Variants in KCNQ2 observed in about 807,000 individuals in gnomAD.
The protein encoded by KCNQ2 is potassium voltage-gated channel subfamily KQT member 2.
Under a neutral mutation model 84.8 loss-of-function variants are expected in KCNQ2, and 14 were observed. That is an observed-to-expected ratio of 0.17 (90% CI 0.11 to 0.26). The LOEUF is 0.26. Ranked by LOEUF, KCNQ2 falls within the 10% of genes least tolerant of loss-of-function variation. The pLI is 1.00. For missense variants in KCNQ2, 788 were observed against 1,254.0 expected, an observed-to-expected ratio of 0.63 and a Z score of 5.61; for synonymous variants, 599 against 554.1, an observed-to-expected ratio of 1.08 and a Z score of -1.14.
At chr20:63,472,126 G>T in intron 1 of KCNQ2, 42 bp downstream of exon 1, 1 of 1,394,114 alleles carries the variant, frequency 7.2e-7, no homozygotes, top group Non-Finnish European at 9.5e-7. Context: ...GCCGATGGGG[G>T]TCGCCATGGG....
At chr20:63,428,475 T>C (rs749614308) in intron 9 of KCNQ2, 40 bp from the exon 10 acceptor site, 1 of 1,519,900 alleles carries the variant, frequency 6.6e-7, no homozygotes, top group South Asian at 1.2e-5. Context: ...CGTCTCACCC[T>C]CCCGAGTCCT....
Position 63,415,021 on chromosome 20 carries a change from G to A in KCNQ2, c.1407C>T (p.Ala469=), listed in dbSNP as rs1801385. Residue 469 remains alanine, a synonymous_variant, in exon 13 of 17, where the codon GCC becomes GCT. Coordinates refer to ENST00000359125, the MANE Select transcript of KCNQ2 (RefSeq NM_172107.4). ...TGGGGCTGTCCTCGAGGCTCTGGTC[G>A]GCGCTGGGTGACCGCCTCACAGTCT... ...QAQTVRRSPS[A]DQSLEDSPSK... is the part of the protein sequence containing the mutation. 219 of 1,610,080 alleles carry A rather than the reference G, an allele frequency of 1.4e-4. 2 individuals are homozygous for A. The South Asian group carries it at 1.6e-3, about 12-fold the overall frequency.
intron 5 of KCNQ2, among the ~76,000 whole-genome samples, chr20:63,442,182 A>G (rs1052439656): frequency 2.0e-5 from 3 of 151,828 alleles, no homozygotes; most frequent in Non-Finnish European, 2.9e-5. Context: ...GATGCCCACC[A>G]CGGCTGAGCT....
chr20:63,440,344 A>G (rs796684653), intron 5 of KCNQ2, among the ~76,000 whole-genome samples: 11 of 152,256 alleles, frequency 7.2e-5, no homozygotes, highest in African/African-American at 2.6e-4. Context: ...GATGAGGGGA[A>G]GCGAAGGACG....
chr20:63,471,897 G>T (rs964925798), intron 1 of KCNQ2: 1 of 416,232 alleles, frequency 2.4e-6, no homozygotes, highest in Non-Finnish European at 4.2e-6. Flanking sequence ...AGGCTGAGGA[G>T]GGGGCTGGGG....
intron 4 of KCNQ2, among the ~76,000 whole-genome samples, chr20:63,443,165 CCATCA>C (rs1227054272): frequency 4.1e-5 from 5 of 122,150 alleles, no homozygotes; most frequent in Admixed American, 2.3e-4. Context: ...GGCGCCACCA[CCATCA>C]CATCACCATC....
intron 15 of KCNQ2, chr20:63,412,228 G>A: frequency 4.0e-6 from 1 of 249,080 alleles, no homozygotes; most frequent in Non-Finnish European, 7.7e-6. Flanking sequence ...TCAGGAGCCG[G>A]CCGAGGACTC....
In KCNQ2 at chr20:63,464,448, C is replaced by G. The variant is rs555264775; in HGVS notation, c.296+7720G>C. Reference sequence around the variant, plus strand: ...AAGGGACATGAAGCTCTGTGGAGAGCTCCCGTCGCCCCGTCCTCCACCACA... The same window carrying G: ...AAGGGACATGAAGCTCTGTGGAGAGGTCCCGTCGCCCCGTCCTCCACCACA... On this transcript the variant is annotated intron_variant, in intron 1 of 16. Transcript: ENST00000359125. Among the ~76,000 whole-genome samples the G allele has an allele frequency of 2.6e-5, 4 of 152,218 alleles. 1 individual carries two copies. In the South Asian group the frequency reaches 6.2e-4, roughly 24 times the overall value.
At chr20:63,411,190 G>T (rs1010150010) in intron 15 of KCNQ2, among the ~76,000 whole-genome samples, 4 of 152,178 alleles carry the variant, frequency 2.6e-5, no homozygotes, top group Admixed American at 2.6e-4. Flanking sequence ...CTCTTCTCAC[G>T]CTTCTTCCCG....
chr20:63,406,548 A>C lies in KCNQ2; in HGVS notation c.*96T>G. On this transcript the variant is annotated 3_prime_UTR_variant, in exon 17 of 17. Transcript: ENST00000359125. ...CCCACCCTTCCCGCCACACTCAGTT[A>C]CTGTAAGAAAAGGGCCCCAGAGGGT... 3.6e-6 allele frequency: 5 copies of C among 1,375,048 alleles called. No homozygotes were observed. In the South Asian group the frequency reaches 6.0e-5, roughly 16 times the overall value. 85.2% of individuals were successfully genotyped at this position (1,375,048 alleles called of 1,614,324 possible).
At chr20:63,442,764 CCATCACCAT>C (rs1568934326) in intron 4 of KCNQ2, among the ~76,000 whole-genome samples, 11 of 61,416 alleles carry the variant, frequency 1.8e-4, no homozygotes, top group East Asian at 6.5e-4. Flanking sequence ...ACCATCACCA[CCATCACCAT>C]CACCACCACC....
chr20:63,419,548 C>T (rs1568889971), intron 12 of KCNQ2, 71 bp downstream of exon 12: 4 of 1,486,096 alleles, frequency 2.7e-6, no homozygotes, highest in East Asian at 4.7e-5. Flanking sequence ...TCCTCCAGAA[C>T]CTCTAGTAAG....
rs1450319783 is a variant in KCNQ2, at chr20:63,425,868, G to C, written c.1218-1662C>G. ...CCTCCATGCATGGGCTTGTGAACTA[G>C]AAAACAAGCCATCTGCTTAAAGTAT... On this transcript the variant is annotated intron_variant, in intron 10 of 16. Coordinates refer to ENST00000359125, the MANE Select transcript of KCNQ2 (RefSeq NM_172107.4). The surrounding 1 kb of genome is among the most constrained non-coding windows in gnomAD (Gnocchi z 5.5). Among the ~76,000 whole-genome samples the C allele has an allele frequency of 6.6e-6, 1 of 152,220 alleles. No individual in the cohort carries two copies. Among genetic ancestry groups the C allele is most frequent in the African/African-American group, 2.4e-5 (1 of 41,448 alleles).
At chr20:63,431,298 A>G (rs2080779200) in intron 9 of KCNQ2, 42 bp downstream of exon 9, 1 of 1,611,128 alleles carries the variant, frequency 6.2e-7, no homozygotes. Context: ...ACAGAACTAG[A>G]ACCACACACA....
intron 1 of KCNQ2, among the ~76,000 whole-genome samples, chr20:63,470,087 G>C (rs991999563): frequency 1.3e-5 from 2 of 152,362 alleles, no homozygotes; most frequent in Non-Finnish European, 2.9e-5. Context: ...CAGAGGTTCT[G>C]AGACCAGCCC....
intron 1 of KCNQ2, among the ~76,000 whole-genome samples, chr20:63,469,169 A>C (rs2082150237): frequency 6.6e-6 from 1 of 152,146 alleles, no homozygotes. Context: ...AGGGCCCCCC[A>C]TGGTGATCTG....
chr20:63,403,122 T>C lies in KCNQ2; in HGVS notation c.*3522A>G, dbSNP rs1444689759. Reference sequence around the variant, plus strand: ...ACAGACACCGGGGCACCTTGGCATCTGGTAGAGCCCCTCCTCTGGATGGCT... The same window carrying C: ...ACAGACACCGGGGCACCTTGGCATCCGGTAGAGCCCCTCCTCTGGATGGCT... On this transcript the variant is annotated 3_prime_UTR_variant, in exon 17 of 17. Coordinates refer to ENST00000359125, the MANE Select transcript of KCNQ2 (RefSeq NM_172107.4). 1 of 152,294 alleles carries C rather than the reference T, an allele frequency of 6.6e-6. No homozygotes were observed. The highest frequency in any genetic ancestry group is 1.5e-5 in the Non-Finnish European group (1 of 68,136). 9.4% of individuals were successfully genotyped at this position (152,294 alleles called of 1,614,324 possible).
At chr20:63,456,783 A>G (rs1259498888) in intron 1 of KCNQ2, among the ~76,000 whole-genome samples, 1 of 152,088 alleles carries the variant, frequency 6.6e-6, no homozygotes, top group African/African-American at 2.4e-5. Context: ...CCCCTCTCCC[A>G]CTGCAGGGGG....
chr20:63,427,505 G>A (rs1317875530), intron 10 of KCNQ2, among the ~76,000 whole-genome samples: 2 of 152,254 alleles, frequency 1.3e-5, no homozygotes, highest in Admixed American at 1.3e-4. Flanking sequence ...TTCTTTCACA[G>A]TCCTAGACGC....
Sources: allele counts gnomAD v4.1 joint callset (sites outside exome capture counted in the v4.1 genomes callset), GRCh38; gene constraint gnomAD v4.1.1; non-coding constraint Gnocchi (gnomAD v3.1); transcripts MANE v1.5; gene names NCBI Gene and HGNC (gene_info 2026-07-23, HGNC 2026-07-21).